MBTPS1: variants seen among roughly 807,000 people sequenced by gnomAD.
MBTPS1 encodes membrane-bound transcription factor site-1 protease.
In MBTPS1, 94 loss-of-function variants were observed where a neutral mutation model predicts 127.8. The ratio of observed to expected loss-of-function variants is 0.74; its 90% confidence interval spans 0.62 to 0.87. The LOEUF (loss-of-function observed/expected upper bound fraction) is 0.87, where lower values mean the gene tolerates loss of function less well. Among genes scored for constraint, MBTPS1 ranks in the 40% least tolerant of loss-of-function variants. MBTPS1 has a pLI of 0.00. For missense variants in MBTPS1, 1,636 were observed against 1,353.2 expected (o/e 1.21, Z -3.28); for synonymous variants, 632 against 509.4 (o/e 1.24, Z -3.24).
chr16:84,067,578 C>A, intron 16 of MBTPS1, 89 bp downstream of exon 16: 1 of 1,090,524 alleles, frequency 9.2e-7, no homozygotes, highest in South Asian at 1.5e-5. Flanking sequence ...GAAAGACCAC[C>A]AACAGGTCAA....
At chr16:84,085,909 A>C (rs942814528) in intron 9 of MBTPS1, 8 of 152,222 alleles carry the variant, frequency 5.3e-5, no homozygotes, top group Admixed American at 6.5e-5. Flanking sequence ...GTATGAGTGG[A>C]TGTTTCAAAC....
chr16:84,063,113 A>C (rs59425678), intron 19 of MBTPS1, among the ~76,000 whole-genome samples, 192 bp downstream of exon 19: 2,118 of 152,370 alleles, frequency 0.014, 63 homozygotes, highest in African/African-American at 0.048. Context: ...TTTGCTTATT[A>C]AATGTGTGCA....
intron 1 of MBTPS1, among the ~76,000 whole-genome samples, chr16:84,106,614 G>A (rs2086327175): frequency 6.6e-6 from 1 of 152,218 alleles, no homozygotes; most frequent in Admixed American, 6.5e-5. Context: ...GCCCAGGGAA[G>A]GCCTGCAGGT....
At chr16:84,093,096 C>T (rs1277916711) in intron 6 of MBTPS1, 92 bp downstream of exon 6, 4 of 868,488 alleles carry the variant, frequency 4.6e-6, no homozygotes, top group Non-Finnish European at 7.9e-6. Flanking sequence ...CTGACGTGCA[C>T]TCCTTTTACA....
intron 1 of MBTPS1, among the ~76,000 whole-genome samples, chr16:84,111,645 G>C (rs988312275): frequency 6.6e-6 from 1 of 152,120 alleles, no homozygotes; most frequent in Non-Finnish European, 1.5e-5. Context: ...AAAAACAAAA[G>C]GAAACTGATT....
chr16:84,105,676 G>A (rs75570232), intron 1 of MBTPS1, among the ~76,000 whole-genome samples: 1 of 152,136 alleles, frequency 6.6e-6, no homozygotes, highest in African/African-American at 2.4e-5. Context: ...TGAAAGACGA[G>A]GGGGGAAGAG....
chr16:84,105,786 G>A (rs1194823901), intron 1 of MBTPS1, among the ~76,000 whole-genome samples: 3 of 152,248 alleles, frequency 2.0e-5, no homozygotes, highest in East Asian at 3.9e-4. Context: ...GCCCAACGAC[G>A]AGACTGCTGA....
chr16:84,099,137 C>T lies in MBTPS1; in HGVS notation c.337G>A (p.Gly113Arg). Residue 113 changes from glycine to arginine, a missense_variant, in exon 3 of 23, where the codon GGG (glycine) becomes AGG (arginine). Physicochemically the swap from Gly to Arg is moderately radical, Grantham distance 125. Coordinates refer to ENST00000343411, the MANE Select transcript of MBTPS1 (RefSeq NM_003791.4). ...VIQIKEKQKAGLLTLEDHPNI... is the reference protein window; with the variant it reads ...VIQIKEKQKARLLTLEDHPNI... ...GGATGATCTTCAAGTGTTAGCAGCC[C>T]CGCTTTCTGTTTTTCTTTTATCTGA... The T allele has an allele frequency of 1.2e-6, 2 of 1,614,094 alleles. No individual in the cohort carries two copies. The highest frequency in any genetic ancestry group is 1.7e-6 in the Non-Finnish European group (2 of 1,180,012).
Position 84,077,566 on chromosome 16 carries a change from A to C in MBTPS1, c.1449-2825T>G, listed in dbSNP as rs538818219. Among the ~76,000 whole-genome samples, 3 of 152,332 alleles carry C rather than the reference A, an allele frequency of 2.0e-5. No homozygotes were observed. In the South Asian group the frequency reaches 6.2e-4, roughly 32 times the overall value. On this transcript the variant is annotated intron_variant, in intron 11 of 22. Transcript: ENST00000343411. ...TGGCAAAAGAAAAAATTACATCCCT[A>C]CCTCCAAACAATACACAAAAATTAA...
rs117742734 is a variant in MBTPS1, at chr16:84,096,464, C to T, written c.422-659G>A. Among the ~76,000 whole-genome samples, 217 of 152,196 alleles carry T rather than the reference C, an allele frequency of 1.4e-3. 3 individuals carry two copies. In the East Asian group the frequency reaches 0.029, roughly 20 times the overall value. Reference sequence around the variant, plus strand: ...TTGCCAAACTATACTCTAAAAAGGACGAATTTTACTATCTGTAAGTCTCTT... The same window carrying T: ...TTGCCAAACTATACTCTAAAAAGGATGAATTTTACTATCTGTAAGTCTCTT... On this transcript the variant is annotated intron_variant, in intron 3 of 22. Coordinates refer to ENST00000343411, the MANE Select transcript of MBTPS1 (RefSeq NM_003791.4).
chr16:84,095,038 C>G (rs1004902542), intron 4 of MBTPS1, among the ~76,000 whole-genome samples: 6 of 152,160 alleles, frequency 3.9e-5, no homozygotes, highest in Non-Finnish European at 8.8e-5. Context: ...AGGGAAAAAT[C>G]CTTATTGTTC....
intron 17 of MBTPS1, among the ~76,000 whole-genome samples, chr16:84,066,114 G>A (rs868195464): frequency 2.0e-5 from 3 of 152,200 alleles, no homozygotes; most frequent in East Asian, 1.9e-4. Context: ...TGCTTACGAC[G>A]TTGTTCTCAA....
At chr16:84,078,284 G>C (rs955738832) in intron 11 of MBTPS1, among the ~76,000 whole-genome samples, 5 of 148,566 alleles carry the variant, frequency 3.4e-5, no homozygotes, top group Non-Finnish European at 7.4e-5. Flanking sequence ...TCTCAACCCG[G>C]ACCAGCAGTG....
chr16:84,074,501 C>T, intron 12 of MBTPS1, 96 bp downstream of exon 12: 1 of 1,350,108 alleles, frequency 7.4e-7, no homozygotes, highest in Non-Finnish European at 1.0e-6. Context: ...AGAACTTTTC[C>T]TTTTTTAACT....
At chr16:84,098,933 C>A (rs998246745) in intron 3 of MBTPS1, 120 bp downstream of exon 3, 3 of 1,047,092 alleles carry the variant, frequency 2.9e-6, no homozygotes, top group Non-Finnish European at 1.4e-6. Flanking sequence ...AAAATGTTCA[C>A]AATTAGCAAA....
At chr16:84,058,964 CAGGGAACACA>C (rs1256858948) in intron 21 of MBTPS1, among the ~76,000 whole-genome samples, 1 of 152,202 alleles carries the variant, frequency 6.6e-6, no homozygotes, top group Non-Finnish European at 1.5e-5. Context: ...ATGTCTGAAA[CAGGGAACACA>C]CTGCAGCCGG....
chr16:84,082,689 T>C (rs887650396), intron 10 of MBTPS1, among the ~76,000 whole-genome samples: 1 of 152,322 alleles, frequency 6.6e-6, no homozygotes, highest in Admixed American at 6.5e-5. Context: ...TATTCGTATG[T>C]GATGATGTTT....
intron 4 of MBTPS1, among the ~76,000 whole-genome samples, 173 bp downstream of exon 4, chr16:84,095,429 C>T (rs1251457550): frequency 6.6e-6 from 1 of 152,254 alleles, no homozygotes; most frequent in African/African-American, 2.4e-5. Flanking sequence ...GAGTACTTGG[C>T]TACCTCCAGC....
intron 22 of MBTPS1, among the ~76,000 whole-genome samples, chr16:84,055,120 G>A (rs1304897901): frequency 6.6e-6 from 1 of 152,260 alleles, no homozygotes; most frequent in Admixed American, 6.5e-5. Context: ...AGCCCTTCAT[G>A]GAGGGGACGT....
Sources: allele counts gnomAD v4.1 joint callset (sites outside exome capture counted in the v4.1 genomes callset), GRCh38; gene constraint gnomAD v4.1.1; transcripts MANE v1.5; gene names NCBI Gene and HGNC (gene_info 2026-07-23, HGNC 2026-07-21).